The following MTG2 variants were observed in gnomAD, a reference collection of about 807,000 sequenced individuals.
MTG2 encodes mitochondrial ribosome associated GTPase 2.
In MTG2, 23 loss-of-function variants were observed where a neutral mutation model predicts 28.6. The ratio of observed to expected loss-of-function variants is 0.80; its 90% confidence interval spans 0.58 to 1.14. The LOEUF (loss-of-function observed/expected upper bound fraction) is 1.14. Among genes scored for constraint, MTG2 ranks in the 50% most tolerant of loss-of-function variants. The pLI is 0.00. For missense variants in MTG2, 539 were observed against 552.0 expected (o/e 0.98, Z 0.24); for synonymous variants, 260 against 251.8 (o/e 1.03, Z -0.31).
chr20:62,198,128 A>T (rs567955773), intron 4 of MTG2, 161 bp downstream of exon 4: 1 of 616,960 alleles, frequency 1.6e-6, no homozygotes, highest in South Asian at 1.9e-5. Context: ...AAGCAGCCCC[A>T]CCCCTCAAAG....
Sources: allele counts gnomAD v4.1 joint callset, GRCh38; gene constraint gnomAD v4.1.1; transcripts MANE v1.5; gene names NCBI Gene and HGNC (gene_info 2026-07-23, HGNC 2026-07-21).